The following LRRC1 variants were observed in gnomAD, a reference collection of about 807,000 sequenced individuals.
LRRC1 encodes leucine-rich repeat-containing protein 1.
In LRRC1, 28 loss-of-function variants were observed where a neutral mutation model predicts 69.9. The observed-to-expected ratio is 0.40, with a 90% CI of 0.30 to 0.55. LRRC1 has a LOEUF of 0.55. LRRC1 is among the 20% of genes least tolerant of loss of function. LRRC1 has a pLI of 0.47. For synonymous variants in LRRC1, 236 were observed against 240.2 expected (o/e 0.98, Z 0.16); for missense variants, 498 against 609.0 (o/e 0.82, Z 1.92).
At chr6:53,832,895 A>G (rs1238355726) in intron 1 of LRRC1, among the ~76,000 whole-genome samples, 1 of 152,076 alleles carries the variant, frequency 6.6e-6, no homozygotes, top group Admixed American at 6.6e-5. Flanking sequence ...ACAATTTTAC[A>G]TTTCTTTTTT....
chr6:53,860,103 C>T (rs1008902276), intron 2 of LRRC1, among the ~76,000 whole-genome samples: 2 of 152,212 alleles, frequency 1.3e-5, no homozygotes, highest in Non-Finnish European at 2.9e-5. Flanking sequence ...CACAGTATAT[C>T]ATTTTCAGAG....
intron 2 of LRRC1, 123 bp from the exon 3 acceptor site, chr6:53,878,870 T>C: frequency 1.6e-6 from 1 of 606,084 alleles, no homozygotes; most frequent in Non-Finnish European, 2.9e-6. Flanking sequence ...TTTATAAGTC[T>C]AGGTCATGTT....
intron 11 of LRRC1, chr6:53,919,239 T>TC (rs1244910537): frequency 5.4e-6 from 1 of 185,212 alleles, no homozygotes; most frequent in East Asian, 1.2e-4. Context: ...CTTTTTTTTT[T>TC]TTTTTTTTTT....
chr6:53,916,211 A>G (rs1768561381), intron 11 of LRRC1, among the ~76,000 whole-genome samples: 1 of 152,222 alleles, frequency 6.6e-6, no homozygotes, highest in Non-Finnish European at 1.5e-5. Flanking sequence ...CAAGTGTGCA[A>G]AACTGGGCAT....
At chr6:53,835,399 T>C (rs1765585226) in intron 1 of LRRC1, among the ~76,000 whole-genome samples, 1 of 152,214 alleles carries the variant, frequency 6.6e-6, no homozygotes. Context: ...AAGAGCCCTT[T>C]ATCATTTAAT....
At chr6:53,920,497 C>A in intron 12 of LRRC1, 128 bp from the exon 13 acceptor site, 1 of 909,024 alleles carries the variant, frequency 1.1e-6, no homozygotes, top group Non-Finnish European at 1.6e-6. Context: ...CAACAGAACA[C>A]CCCCCTTATT....
chr6:53,864,263 A>G (rs1183083531), intron 2 of LRRC1, among the ~76,000 whole-genome samples: 1 of 151,990 alleles, frequency 6.6e-6, no homozygotes, highest in African/African-American at 2.4e-5. Context: ...TCCCCTCCTC[A>G]TAACAGCAGG....
rs183542205 is a variant in LRRC1, at chr6:53,899,651, C to T, written c.643-96C>T. The stretch of plus-strand genomic sequence containing the variant: ...ATGCTAAAGATAACATCCTTAGGAC[C>T]GCCCTGGGATTTAATTGTGAAAAAT... On this transcript the variant is annotated intron_variant, in intron 7 of 13. Coordinates refer to ENST00000370888, the MANE Select transcript of LRRC1 (RefSeq NM_018214.5). 1.0e-4 allele frequency: 128 copies of T among 1,226,224 alleles called. No individual in the cohort carries two copies. In the African/African-American group the frequency reaches 1.5e-3, roughly 15 times the overall value. The allele number at this position is 1,226,224 out of a possible 1,614,324, so 76.0% of individuals were successfully genotyped here.
intron 4 of LRRC1, among the ~76,000 whole-genome samples, chr6:53,886,194 A>G (rs561721604): frequency 6.6e-6 from 1 of 152,198 alleles, no homozygotes; most frequent in Non-Finnish European, 1.5e-5. Flanking sequence ...AAACTGCGAC[A>G]TCAAGTGAAA....
chr6:53,911,681 C>T (rs1446834172), intron 10 of LRRC1, among the ~76,000 whole-genome samples: 1 of 152,222 alleles, frequency 6.6e-6, no homozygotes, highest in East Asian at 1.9e-4. Context: ...GAACCCCAGC[C>T]TGACACCGAA....
At chr6:53,851,331 G>T (rs1453876749) in intron 2 of LRRC1, among the ~76,000 whole-genome samples, 2 of 152,104 alleles carry the variant, frequency 1.3e-5, no homozygotes, top group African/African-American at 4.8e-5. Context: ...TTTGCCCTCT[G>T]CAGGAAAGCC....
intron 2 of LRRC1, among the ~76,000 whole-genome samples, chr6:53,845,933 C>G (rs780840539): frequency 1.5e-4 from 23 of 152,294 alleles, no homozygotes; most frequent in Non-Finnish European, 3.1e-4. Context: ...TCCCCTCAGG[C>G]ACCCCTGCAC....
At chr6:53,819,320 T>C (rs1044924219) in intron 1 of LRRC1, among the ~76,000 whole-genome samples, 1 of 152,148 alleles carries the variant, frequency 6.6e-6, no homozygotes, top group African/African-American at 2.4e-5. Context: ...CCTTATGATG[T>C]ATGCTTCTGG....
At chr6:53,910,837 C>T (rs928934684) in intron 10 of LRRC1, among the ~76,000 whole-genome samples, 1 of 152,202 alleles carries the variant, frequency 6.6e-6, no homozygotes, top group Non-Finnish European at 1.5e-5. Flanking sequence ...CTCCCTCTGA[C>T]GTCTATAATG....
chr6:53,875,935 A>G (rs1487161046), intron 2 of LRRC1, among the ~76,000 whole-genome samples: 2 of 152,166 alleles, frequency 1.3e-5, no homozygotes, highest in South Asian at 2.1e-4. Context: ...ACTATATATT[A>G]TTGTTAACTG....
Position 53,896,855 on chromosome 6 carries a change from A to G in LRRC1, c.530A>G (p.Glu177Gly). The change falls in exon 6 of 14, where the codon GAA becomes GGA. Residue 177 changes from glutamate to glycine, a missense_variant. Glu to Gly is a moderately conservative substitution (Grantham distance 98, BLOSUM62 -2). Transcript: ENST00000370888. ...PDSLTQLRRLEELDLGNNEIY... is the reference protein window; with the variant it reads ...PDSLTQLRRLGELDLGNNEIY... ...TCTCTTACCCAGCTGCGAAGACTAG[A>G]AGAACTTGATTTAGGAAACAATGAA... The G allele has an allele frequency of 6.2e-7, 1 of 1,603,084 alleles. No individual in the cohort carries two copies. Among genetic ancestry groups the G allele is most frequent in the Non-Finnish European group, 8.5e-7 (1 of 1,170,380 alleles).
intron 4 of LRRC1, among the ~76,000 whole-genome samples, chr6:53,887,191 A>G (rs1767515080): frequency 6.6e-6 from 1 of 152,058 alleles, no homozygotes; most frequent in Admixed American, 6.6e-5. Flanking sequence ...GCAACTATTA[A>G]AAAAAAACAG....
rs1467705491 is a variant in LRRC1 at position 53,900,027 on chromosome 6, T to TTTTTG, written c.787+140_787+141insGTTTT. On this transcript the variant is annotated intron_variant, in intron 8 of 13. Transcript: ENST00000370888. ...CCTTAAAGTCTCCTTACTGTTTTTT[T>TTTTTG]TTTTTTTTTTTTTTTTTTTTTTTTT... The TTTTTG allele has an allele frequency of 2.8e-3, 462 of 166,036 alleles. 10 individuals are homozygous for TTTTTG. In the African/African-American group the frequency reaches 0.062, roughly 22 times the overall value. The allele number at this position is 166,036 out of a possible 1,614,324, so 10.3% of individuals were successfully genotyped here.
rs892140295 is a variant in LRRC1, at chr6:53,799,080, G to A, written c.159+3665G>A. Among the ~76,000 whole-genome samples the A allele has an allele frequency of 1.2e-4, 19 of 152,286 alleles. No homozygotes were observed. In the South Asian group the frequency reaches 3.3e-3, roughly 27 times the overall value. On this transcript the variant is annotated intron_variant, in intron 1 of 13. Transcript: ENST00000370888. ...AATATAGCGCTTCATGTAGTAGTAG[G>A]CAGCACATATTTTAAATGAATATAC...
Sources: allele counts gnomAD v4.1 joint callset (sites outside exome capture counted in the v4.1 genomes callset), GRCh38; gene constraint gnomAD v4.1.1; transcripts MANE v1.5; gene names NCBI Gene and HGNC (gene_info 2026-07-23, HGNC 2026-07-21).